The following KIF1B variants were observed in gnomAD, a reference collection of about 807,000 sequenced individuals.
KIF1B encodes the protein kinesin family member 1B.
KIF1B carries 76 observed loss-of-function variants against 241.9 expected under a neutral mutation model. The observed-to-expected ratio is 0.31, with a 90% CI of 0.26 to 0.38. The LOEUF (loss-of-function observed/expected upper bound fraction) is 0.38. Ranked by LOEUF, KIF1B falls within the 10% of genes least tolerant of loss-of-function variation. KIF1B has a pLI of 1.00. For missense variants in KIF1B, 1,622 were observed against 2,271.4 expected (o/e 0.71, Z 5.81); for synonymous variants, 750 against 796.7 (o/e 0.94, Z 0.99).
rs768336280 is a variant in KIF1B, at chr1:10,361,062, TC to T, written c.4170+20del. 25 of 1,462,988 alleles carry T rather than the reference TC, an allele frequency of 1.7e-5. No homozygotes were observed. Among genetic ancestry groups the T allele is most frequent in the Non-Finnish European group, 2.3e-5 (24 of 1,042,408 alleles). The allele number at this position is 1,462,988 out of a possible 1,614,324, so 90.6% of individuals were successfully genotyped here. On this transcript the variant is annotated intron_variant, in intron 39 of 48. Transcript: ENST00000676179. ...CCTAGAGGTGAGGAGACTTGGAACT[TC>T]AGTTGATGCCAACAGTCAGCCCTGA...
chr1:10,246,890 C>T (rs1462120729), intron 2 of KIF1B, among the ~76,000 whole-genome samples: 1 of 152,068 alleles, frequency 6.6e-6, no homozygotes, highest in Non-Finnish European at 1.5e-5. Context: ...TAGTCAGAGT[C>T]AGAGCCTCTG....
At chr1:10,255,514 C>T (rs1036364854) in intron 2 of KIF1B, among the ~76,000 whole-genome samples, 12 of 151,828 alleles carry the variant, frequency 7.9e-5, no homozygotes, top group African/African-American at 2.9e-4. Context: ...TTCTTGAACC[C>T]GGGATGAGGT....
At position 10,282,371 on chromosome 1, in the gene KIF1B, G is replaced by C; in HGVS notation, c.1272G>C (p.Glu424Asp). 6.2e-7 allele frequency: 1 copy of C among 1,614,122 alleles called. No homozygotes were observed. Among genetic ancestry groups the C allele is most frequent in the Non-Finnish European group, 8.5e-7 (1 of 1,180,034 alleles). ...AGCATAGATACTTGCTAGCCTCTGA[G>C]AATCAACGCCCTGGCCATTTTTCCA... ...NNKHRYLLAS[E>D]NQRPGHFSTA... The change falls in exon 15 of 49, where the codon GAG (glutamate) becomes GAC (aspartate). Residue 424 changes from glutamate (E) to aspartate (D), a missense_variant. Coordinates refer to ENST00000676179, the MANE Select transcript of KIF1B (RefSeq NM_001365951.3).
intron 22 of KIF1B, among the ~76,000 whole-genome samples, chr1:10,302,527 T>G (rs1187058679): frequency 1.3e-5 from 2 of 152,186 alleles, no homozygotes; most frequent in East Asian, 3.9e-4. Context: ...TTTGACTGCT[T>G]CTTTTTCTAC....
At chr1:10,363,750 T>C (rs1430558095) in intron 41 of KIF1B, among the ~76,000 whole-genome samples, 1 of 152,218 alleles carries the variant, frequency 6.6e-6, no homozygotes, top group Admixed American at 6.5e-5. Context: ...TGTATTCTTT[T>C]TAATGTGTTT....
At chr1:10,262,516 T>C (rs1428997001) in intron 5 of KIF1B, among the ~76,000 whole-genome samples, 1 of 152,224 alleles carries the variant, frequency 6.6e-6, no homozygotes, top group African/African-American at 2.4e-5. Flanking sequence ...TGTTTCTTGG[T>C]TTTTAAATAA....
intron 22 of KIF1B, among the ~76,000 whole-genome samples, chr1:10,301,059 G>A (rs528160361): frequency 7.9e-5 from 12 of 152,232 alleles, no homozygotes; most frequent in Non-Finnish European, 1.8e-4. Flanking sequence ...GTTTTGTCAG[G>A]TGTGATGATG....
rs1638976507 is a variant in KIF1B at position 10,379,787 on chromosome 1, G to A, written c.*3200G>A. 4.3e-6 allele frequency: 1 copy of A among 230,552 alleles called. No individual in the cohort carries two copies. The allele number at this position is 230,552 out of a possible 1,614,324, so 14.3% of individuals were successfully genotyped here. A position where few individuals can be genotyped will look rare whatever the true frequency, so the allele number is the denominator to read the frequency against. On this transcript the variant is annotated 3_prime_UTR_variant, in exon 49 of 49. Coordinates refer to ENST00000676179, the MANE Select transcript of KIF1B (RefSeq NM_001365951.3). Reference sequence around the variant, plus strand: ...ACCACCAGCCCCAAATCAGTGCTCAGACCCTCTCTGTGTCTGTGTGCCCTC... The same window carrying A: ...ACCACCAGCCCCAAATCAGTGCTCAAACCCTCTCTGTGTCTGTGTGCCCTC...
intron 22 of KIF1B, among the ~76,000 whole-genome samples, chr1:10,309,093 G>A (rs1046185892): frequency 6.6e-6 from 1 of 152,112 alleles, no homozygotes; most frequent in Non-Finnish European, 1.5e-5. Flanking sequence ...GAGGAAACAG[G>A]ACAAAGCAGA....
chr1:10,302,371 A>G lies in KIF1B; in HGVS notation c.2115+5125A>G, dbSNP rs573365054. On this transcript the variant is annotated intron_variant, in intron 22 of 48. Coordinates refer to ENST00000676179, the MANE Select transcript of KIF1B (RefSeq NM_001365951.3). The stretch of plus-strand genomic sequence containing the variant: ...TTAATCGTACGACGGAAATGGATAC[A>G]TTTAACATGACAAAAAATAGCAAAT... Among the ~76,000 whole-genome samples, 6 of 152,330 alleles carry G rather than the reference A, an allele frequency of 3.9e-5. No individual in the cohort carries two copies. In the South Asian group the frequency reaches 1.0e-3, roughly 26 times the overall value.
At chr1:10,269,745 G>A (rs1462995912) in intron 7 of KIF1B, among the ~76,000 whole-genome samples, 5 of 152,170 alleles carry the variant, frequency 3.3e-5, no homozygotes, top group Non-Finnish European at 2.9e-5. Flanking sequence ...TTGAACCTGG[G>A]AGGCAGAGGT....
At position 10,378,472 on chromosome 1, in the gene KIF1B, T is replaced by C; in HGVS notation, c.*1885T>C. The C allele has an allele frequency of 1.4e-6, 1 of 717,468 alleles. No homozygotes were observed. Among genetic ancestry groups the C allele is most frequent in the Admixed American group, 2.0e-5 (1 of 50,000 alleles). 44.4% of individuals were successfully genotyped at this position (717,468 alleles called of 1,614,324 possible). On this transcript the variant is annotated 3_prime_UTR_variant, in exon 49 of 49. Transcript: ENST00000676179. ...AGTTGCTTTGCCAGTTGTCTTGGGA[T>C]TGTTTTACACCATCCTTTACTTCCC...
intron 22 of KIF1B, chr1:10,304,138 G>A: frequency 6.2e-7 from 1 of 1,614,136 alleles, no homozygotes; most frequent in Non-Finnish European, 8.5e-7. Context: ...AGAAGATGAG[G>A]TTATAGAGCT....
chr1:10,220,513 A>G (rs975300086), intron 1 of KIF1B, among the ~76,000 whole-genome samples: 2 of 152,124 alleles, frequency 1.3e-5, no homozygotes, highest in African/African-American at 4.8e-5. Context: ...TACAAAATAA[A>G]ATAAAAAATA....
chr1:10,258,756 A>T (rs180860568), intron 4 of KIF1B, 84 bp downstream of exon 4: 1 of 1,340,520 alleles, frequency 7.5e-7, no homozygotes, highest in African/African-American at 1.4e-5. Flanking sequence ...TTATTTGGCG[A>T]ACATTTATGC....
rs1638532560 is a variant in KIF1B, at chr1:10,365,153, G to T, written c.4420G>T (p.Gly1474Ter). ...ILDTSVAYVRGEENLAGWRPR... is the reference protein window; with the variant it reads ...ILDTSVAYVR ...AGATACGTCAGTGGCATATGTGCGG[G>T]GAGAAGAGAACTTAGCAGGCTGGCG... The change falls in exon 42 of 49, where the codon GGA becomes TGA. Residue 1474 changes from glycine to a stop codon, truncating the protein, a stop_gained. Transcript: ENST00000676179. LOFTEE classifies it high-confidence loss of function. This position sits in a 1 kb window ranked among gnomAD's most constrained non-coding sequence, Gnocchi z 4.0. 1 of 1,614,080 alleles carries T rather than the reference G, an allele frequency of 6.2e-7. No homozygotes were observed. The highest frequency in any genetic ancestry group is 8.5e-7 in the Non-Finnish European group (1 of 1,179,996).
intron 22 of KIF1B, among the ~76,000 whole-genome samples, chr1:10,315,126 T>G (rs1182084968): frequency 6.6e-6 from 1 of 150,796 alleles, no homozygotes; most frequent in Non-Finnish European, 1.5e-5. Context: ...TCATGGCAGT[T>G]TACCCCAAAT....
chr1:10,216,996 CAG>C lies in KIF1B; in HGVS notation c.-80+6121_-80+6122del, dbSNP rs1479413182. ...TTTTTTTTTTTTTTTTTTTTTGAGA[CAG>C]AGTCTTGTTCTGTCACCAAGACTGG... is the stretch of plus-strand genomic sequence containing the variant. On this transcript the variant is annotated intron_variant, in intron 1 of 48. Coordinates refer to ENST00000676179, the MANE Select transcript of KIF1B (RefSeq NM_001365951.3). Among the ~76,000 whole-genome samples, 3 of 72,018 alleles carry C rather than the reference CAG, an allele frequency of 4.2e-5. No individual in the cohort carries two copies. The East Asian group carries it at 1.7e-3, about 42-fold the overall frequency. 47.2% of individuals were successfully genotyped at this position (72,018 alleles called of 152,430 possible).
intron 5 of KIF1B, among the ~76,000 whole-genome samples, chr1:10,267,086 C>A (rs926627487): frequency 6.6e-6 from 1 of 151,706 alleles, no homozygotes; most frequent in Non-Finnish European, 1.5e-5. Flanking sequence ...GGTGTGATAT[C>A]GGCTCACTCT....
Sources: gnomAD v4.1 joint callset for allele counts (sites outside exome capture counted in the v4.1 genomes callset) on GRCh38, gnomAD v4.1.1 for gene constraint, Gnocchi (gnomAD v3.1) non-coding constraint, MANE v1.5 for transcripts, NCBI Gene and HGNC (gene_info 2026-07-23, HGNC 2026-07-21) for gene names.